Variants in ARPC4 observed in about 807,000 individuals in gnomAD.
ARPC4 encodes the protein actin related protein 2/3 complex subunit 4, also known as actin-related protein 2/3 complex subunit 4.
Under a neutral mutation model 22.8 loss-of-function variants are expected in ARPC4, and 3 were observed. That is an observed-to-expected ratio of 0.13 (90% CI 0.06 to 0.34). ARPC4 has a LOEUF of 0.34. Ranked by LOEUF, ARPC4 falls within the 10% of genes least tolerant of loss-of-function variation. ARPC4 has a pLI of 1.00. For missense variants in ARPC4, 98 were observed against 211.0 expected (o/e 0.46, Z 3.32); for synonymous variants, 80 against 72.5 (o/e 1.10, Z -0.52).
Position 9,794,928 on chromosome 3 carries a change from G to A in ARPC4, c.3+1804G>A, listed in dbSNP as rs569157247. ...CATTTGAGAGTCAACCATGTTGTGT[G>A]TATCAATAGTTACTCTTTTTTTATT... On this transcript the variant is annotated intron_variant, in intron 1 of 5. Transcript: ENST00000397261. Among the ~76,000 whole-genome samples the A allele has an allele frequency of 3.3e-5, 5 of 152,286 alleles. No individual in the cohort carries two copies. In the South Asian group the frequency reaches 8.3e-4, roughly 25 times the overall value.
intron 1 of ARPC4, among the ~76,000 whole-genome samples, chr3:9,795,334 G>T (rs567276467): frequency 5.9e-5 from 9 of 152,152 alleles, no homozygotes; most frequent in Admixed American, 3.3e-4. Context: ...TCTAATGTCA[G>T]TCCAACGCTT....
Position 9,797,459 on chromosome 3 carries a change from G to C in ARPC4, c.4-200G>C, listed in dbSNP as rs540127928. Among the ~76,000 whole-genome samples, 47 of 152,294 alleles carry C rather than the reference G, an allele frequency of 3.1e-4. No homozygotes were observed. The South Asian group carries it at 5.0e-3, about 16-fold the overall frequency. ...CGACATTACCAAATGTACCCTGGCA[G>C]GCAAAATTGTCTCCTGTTGAAAACT... On this transcript the variant is annotated intron_variant, in intron 1 of 5. Coordinates refer to ENST00000397261, the MANE Select transcript of ARPC4 (RefSeq NM_005718.5).
chr3:9,794,600 T>C (rs1417517194), intron 1 of ARPC4, among the ~76,000 whole-genome samples: 1 of 152,128 alleles, frequency 6.6e-6, no homozygotes, highest in Non-Finnish European at 1.5e-5. Flanking sequence ...AGCCCAGAAG[T>C]TCGAGGCCGT....
In ARPC4 at chr3:9,794,552, A is replaced by G. The variant is rs543792646; in HGVS notation, c.3+1428A>G. Among the ~76,000 whole-genome samples, 6 of 152,186 alleles carry G rather than the reference A, an allele frequency of 3.9e-5. 1 individual carries two copies. The South Asian group carries it at 1.2e-3, about 32-fold the overall frequency. ...GGGTATGGTGGCATGCGCCTGTAGT[A>G]CCATCCGCTCAGGACACTGAGGCAG... On this transcript the variant is annotated intron_variant, in intron 1 of 5. Coordinates refer to ENST00000397261, the MANE Select transcript of ARPC4 (RefSeq NM_005718.5).
chr3:9,805,942 C>G (rs1396572545), intron 5 of ARPC4, among the ~76,000 whole-genome samples: 1 of 152,248 alleles, frequency 6.6e-6, no homozygotes, highest in Non-Finnish European at 1.5e-5. Context: ...CTAGCAGCCT[C>G]CATGCCAGGG....
At chr3:9,799,531 C>G (rs1428852808) in intron 2 of ARPC4, among the ~76,000 whole-genome samples, 1 of 152,064 alleles carries the variant, frequency 6.6e-6, no homozygotes, top group African/African-American at 2.4e-5. Context: ...CAACTGCCAC[C>G]TCCTGAGTTC....
chr3:9,800,113 G>C, intron 2 of ARPC4, 72 bp from the exon 3 acceptor site: 1 of 1,487,998 alleles, frequency 6.7e-7, no homozygotes, highest in East Asian at 2.3e-5. Context: ...AGTGATTCCA[G>C]GACCTGCGTG....
chr3:9,801,735 C>A lies in ARPC4; in HGVS notation c.309C>A (p.Ile103=), dbSNP rs776431668. ...TGATGCGAGCAGAGAACTTCTTTAT[C>A]CTTCGAAGGAAGCCTGTGGAGGTGA... ...FMMMRAENFF[I]LRRKPVEGYD... Residue 103 remains isoleucine (I), a synonymous_variant, in exon 4 of 6, where the codon ATC becomes ATA. Transcript: ENST00000397261. The A allele has an allele frequency of 1.2e-6, 2 of 1,604,936 alleles. No individual in the cohort carries two copies. The highest frequency in any genetic ancestry group is 2.7e-5 in the African/African-American group (2 of 74,800).
chr3:9,804,077 T>C (rs368543773), intron 5 of ARPC4, 64 bp downstream of exon 5: 5 of 1,573,726 alleles, frequency 3.2e-6, no homozygotes, highest in Middle Eastern at 2.2e-4. Flanking sequence ...GTTGAGAACT[T>C]AGCATCTGGT....
chr3:9,799,919 G>A (rs1389183343), intron 2 of ARPC4: 1 of 585,344 alleles, frequency 1.7e-6, no homozygotes, highest in African/African-American at 1.8e-5. Context: ...TTTTACAGAT[G>A]AGAAAATTGA....
intron 1 of ARPC4, among the ~76,000 whole-genome samples, chr3:9,793,766 G>A (rs150986029): frequency 3.9e-5 from 6 of 152,238 alleles, no homozygotes; most frequent in African/African-American, 1.4e-4. Context: ...ATACATGTGG[G>A]CCTTTTTCAT....
upstream of ARPC4, chr3:9,792,855 C>G (rs2078776021): frequency 1.5e-6 from 2 of 1,368,370 alleles, no homozygotes; most frequent in Non-Finnish European, 1.9e-6. Context: ...GACAAGAAGG[C>G]CGAAGGCACA....
At chr3:9,792,887 T>A, upstream of ARPC4, 6 of 1,386,690 alleles carry the variant, frequency 4.3e-6, no homozygotes, top group Non-Finnish European at 5.6e-6. Context: ...CACCCATTCC[T>A]GGAGGAGCTT....
At chr3:9,799,885 C>T in intron 2 of ARPC4, 2 of 531,070 alleles carry the variant, frequency 3.8e-6, no homozygotes, top group Non-Finnish European at 7.3e-6. Context: ...TCAGTCCTCG[C>T]CAGTGAATTA....
chr3:9,800,047 C>T, intron 2 of ARPC4, 138 bp from the exon 3 acceptor site: 1 of 809,602 alleles, frequency 1.2e-6, no homozygotes, highest in Non-Finnish European at 2.0e-6. Context: ...CACTGGCCCC[C>T]ATCTTGGAGC....
At chr3:9,793,348 CA>C (rs1337780071) in intron 1 of ARPC4, among the ~76,000 whole-genome samples, 1 of 152,316 alleles carries the variant, frequency 6.6e-6, no homozygotes, top group African/African-American at 2.4e-5. Flanking sequence ...GCTTCACGGT[CA>C]GCCTTCGAAG....
chr3:9,800,599 A>G (rs2078987726), intron 3 of ARPC4, among the ~76,000 whole-genome samples: 1 of 151,856 alleles, frequency 6.6e-6, no homozygotes, highest in African/African-American at 2.4e-5. Context: ...TAATTTTTGT[A>G]TTTTTAGTAG....
chr3:9,800,124 G>T, intron 2 of ARPC4, 61 bp from the exon 3 acceptor site: 2 of 1,559,408 alleles, frequency 1.3e-6, no homozygotes, highest in Non-Finnish European at 1.8e-6. Flanking sequence ...GACCTGCGTG[G>T]GGTCACTCTG....
intron 2 of ARPC4, among the ~76,000 whole-genome samples, chr3:9,798,873 AAAAATAAAATAAAAT>A (rs5846647): frequency 1.3e-4 from 20 of 150,996 alleles, no homozygotes; most frequent in African/African-American, 1.9e-4. Flanking sequence ...ACTTCGTCTC[AAAAATAAAATAAAAT>A]AAAATAAAAT....
Sources: gnomAD v4.1 joint callset for allele counts (sites outside exome capture counted in the v4.1 genomes callset) on GRCh38, gnomAD v4.1.1 for gene constraint, MANE v1.5 for transcripts, NCBI Gene and HGNC (gene_info 2026-07-23, HGNC 2026-07-21) for gene names.